Variants in SAMD12 observed in about 807,000 individuals in gnomAD.
SAMD12 encodes the protein sterile alpha motif domain-containing protein 12.
Under a neutral mutation model 15.0 loss-of-function variants are expected in SAMD12, and 9 were observed. The observed-to-expected ratio is 0.60, with a 90% CI of 0.36 to 1.05. The LOEUF (loss-of-function observed/expected upper bound fraction) is 1.05, where lower values mean the gene tolerates loss of function less well. SAMD12 is among the 50% of genes least tolerant of loss of function. The pLI is 0.01. For missense variants in SAMD12, 230 were observed against 234.2 expected (o/e 0.98, Z 0.12); for synonymous variants, 86 against 90.1 (o/e 0.96, Z 0.25).
rs1824595325 is a variant in SAMD12 at position 118,495,878 on chromosome 8, T to C, written c.193-55917A>G. Among the ~76,000 whole-genome samples, 3 of 152,212 alleles carry C rather than the reference T, an allele frequency of 2.0e-5. No homozygotes were observed. In the South Asian group the frequency reaches 6.2e-4, roughly 32 times the overall value. ...TACAATTTATAATATCAAGGCCATC[T>C]ACTTGGGGTTTAAGAGTATAGAATT... On this transcript the variant is annotated intron_variant, in intron 2 of 3. Transcript: ENST00000314727.
intron 2 of SAMD12, among the ~76,000 whole-genome samples, chr8:118,484,409 G>C (rs766886209): frequency 7.2e-5 from 11 of 152,088 alleles, no homozygotes; most frequent in Non-Finnish European, 1.6e-4. Flanking sequence ...AATTTGTTAA[G>C]AGGGCATATT....
At chr8:118,217,992 G>A (rs1812001997) in intron 4 of SAMD12, among the ~76,000 whole-genome samples, 1 of 152,090 alleles carries the variant, frequency 6.6e-6, no homozygotes. Flanking sequence ...CTCTATTCCA[G>A]TGCTTGGTCA....
At position 118,194,143 on chromosome 8, in the gene SAMD12, T is replaced by C. The variant is rs1819488489; in HGVS notation, c.*3567A>G. 2.0e-5 allele frequency: 3 copies of C among 152,196 alleles called. No homozygotes were observed. The South Asian group carries it at 6.2e-4, about 31-fold the overall frequency. The allele number at this position is 152,196 out of a possible 1,614,324, so 9.4% of individuals were successfully genotyped here. A position where few individuals can be genotyped will look rare whatever the true frequency, so the allele number is the denominator to read the frequency against. On this transcript the variant is annotated 3_prime_UTR_variant, in exon 5 of 5. Transcript: ENST00000409003. ...AAGGGGGATCCATTAGAGGTTTTTA[T>C]CCTTAGTTGATATTCTCACGTACAG...
intron 4 of SAMD12, among the ~76,000 whole-genome samples, chr8:118,227,502 C>A (rs935140482): frequency 6.6e-6 from 1 of 151,904 alleles, no homozygotes. Context: ...TGCACATGTA[C>A]CCAGAAGCCT....
chr8:118,203,071 G>A, intron 4 of SAMD12, among the ~76,000 whole-genome samples: 1 of 152,306 alleles, frequency 6.6e-6, no homozygotes, highest in Non-Finnish European at 1.5e-5. Context: ...ATAGAGCTGG[G>A]ACTAGAACCC....
intron 2 of SAMD12, among the ~76,000 whole-genome samples, chr8:118,443,354 C>T (rs991220304): frequency 4.6e-5 from 7 of 152,024 alleles, no homozygotes; most frequent in African/African-American, 1.2e-4. Flanking sequence ...ATCCCAGCTA[C>T]GCGGGAGACA....
chr8:118,248,823 TCAA>T (rs1812756046), intron 4 of SAMD12, among the ~76,000 whole-genome samples: 1 of 152,148 alleles, frequency 6.6e-6, no homozygotes, highest in Admixed American at 6.5e-5. Flanking sequence ...CAGTGTAAGA[TCAA>T]TACAGCTATG....
At chr8:118,316,546 A>C (rs966988291) in intron 4 of SAMD12, among the ~76,000 whole-genome samples, 7 of 125,434 alleles carry the variant, frequency 5.6e-5, no homozygotes, top group African/African-American at 1.9e-4. Flanking sequence ...ACAAACAAAC[A>C]AAAATTTGGA....
intron 4 of SAMD12, among the ~76,000 whole-genome samples, chr8:118,296,230 C>T (rs569624290): frequency 1.3e-5 from 2 of 152,300 alleles, no homozygotes; most frequent in Admixed American, 1.3e-4. Flanking sequence ...CAAGAACCTT[C>T]TCTCCAGCTA....
chr8:118,144,083 T>A, the SAMD12 span, among the ~76,000 whole-genome samples: 1 of 152,118 alleles, frequency 6.6e-6, no homozygotes, highest in African/African-American at 2.4e-5. Context: ...GCTGCATCTC[T>A]CCAGTTTCTG....
intron 3 of SAMD12, chr8:118,400,328 C>G (rs112921117): frequency 6.6e-6 from 1 of 152,186 alleles, no homozygotes; most frequent in Non-Finnish European, 1.5e-5. Flanking sequence ...ACTTCGCAGC[C>G]AGAAGAGGCG....
intron 4 of SAMD12, among the ~76,000 whole-genome samples, chr8:118,293,614 A>AT (rs1317893263): frequency 1.3e-5 from 2 of 152,298 alleles, no homozygotes; most frequent in African/African-American, 4.8e-5. Flanking sequence ...TTATTTACTT[A>AT]TTTTTTAAAA....
At chr8:118,269,090 T>C (rs146163115) in intron 4 of SAMD12, among the ~76,000 whole-genome samples, 1 of 152,222 alleles carries the variant, frequency 6.6e-6, no homozygotes, top group African/African-American at 2.4e-5. Context: ...ATCTTGCTAA[T>C]GTATCTATTT....
chr8:118,408,089 C>T (rs1192736968), intron 3 of SAMD12, among the ~76,000 whole-genome samples: 4 of 152,116 alleles, frequency 2.6e-5, no homozygotes, highest in Non-Finnish European at 5.9e-5. Context: ...TGTACCTCCT[C>T]TTTACCCAAG....
exon 5 of SAMD12, chr8:118,192,996 C>A (rs1819451345): frequency 6.6e-6 from 1 of 152,188 alleles, no homozygotes; most frequent in Non-Finnish European, 1.5e-5. Context: ...CCATGGAAGT[C>A]ATGTCTCAGT....
the SAMD12 span, among the ~76,000 whole-genome samples, chr8:118,145,492 T>C: frequency 6.6e-6 from 1 of 152,222 alleles, no homozygotes; most frequent in Non-Finnish European, 1.5e-5. Context: ...TACTGTGTGT[T>C]GTTCTGGGAG....
intron 4 of SAMD12, among the ~76,000 whole-genome samples, chr8:118,339,391 C>T (rs1174218771): frequency 6.6e-6 from 1 of 152,100 alleles, no homozygotes; most frequent in African/African-American, 2.4e-5. Flanking sequence ...CACAAGCTGA[C>T]ACTTTGCTAA....
At chr8:118,309,380 A>ATGTGTGTGTGTGTGTG (rs35576833) in intron 4 of SAMD12, among the ~76,000 whole-genome samples, 19 of 143,970 alleles carry the variant, frequency 1.3e-4, no homozygotes, top group Admixed American at 2.0e-4. Context: ...TGAGATATAT[A>ATGTGTGTGTGTGTGTG]TGTGTGTGTG....
At chr8:118,140,407 G>A in the SAMD12 span, among the ~76,000 whole-genome samples, 1 of 152,196 alleles carries the variant, frequency 6.6e-6, no homozygotes, top group African/African-American at 2.4e-5. Flanking sequence ...GAGCAACCGG[G>A]ACTACAGGCA....
Sources: allele counts gnomAD v4.1 joint callset (sites outside exome capture counted in the v4.1 genomes callset), GRCh38; gene constraint gnomAD v4.1.1; transcripts MANE v1.5; gene names NCBI Gene and HGNC (gene_info 2026-07-23, HGNC 2026-07-21).